Variants in DHRSX observed in about 807,000 individuals in gnomAD.
DHRSX encodes the protein dehydrogenase/reductase X-linked, also known as polyprenol dehydrogenase.
DHRSX carries 31 observed loss-of-function variants against 34.0 expected under a neutral mutation model. The observed-to-expected ratio is 0.91, with a 90% CI of 0.69 to 1.23. The LOEUF (loss-of-function observed/expected upper bound fraction) is 1.23, where lower values mean the gene tolerates loss of function less well. Among genes scored for constraint, DHRSX ranks in the 50% most tolerant of loss-of-function variants. The pLI is 0.00. For missense variants in DHRSX, 414 were observed against 428.1 expected (o/e 0.97, Z 0.29); for synonymous variants, 201 against 183.8 (o/e 1.09, Z -0.76).
chrX:2,450,076 T>G (rs752531332), intron 1 of DHRSX, among the ~76,000 whole-genome samples: 7 of 152,006 alleles, frequency 4.6e-5, no homozygotes, highest in Admixed American at 3.3e-4. Context: ...CAGTGTTAGA[T>G]CTGAATTGTT....
At chrX:2,238,879 C>A (rs1198851263) in intron 6 of DHRSX, among the ~76,000 whole-genome samples, 2 of 152,006 alleles carry the variant, frequency 1.3e-5, no homozygotes, top group African/African-American at 2.4e-5. Context: ...GACACGGCAC[C>A]CAGCTGATCT....
intron 1 of DHRSX, among the ~76,000 whole-genome samples, chrX:2,458,374 A>T (rs964065373): frequency 3.3e-5 from 5 of 152,154 alleles, no homozygotes; most frequent in African/African-American, 1.2e-4. Flanking sequence ...TCAATGGCAT[A>T]CCTGCACCCC....
chrX:2,424,783 T>C (rs1222216971), intron 2 of DHRSX, among the ~76,000 whole-genome samples: 1 of 152,194 alleles, frequency 6.6e-6, no homozygotes, highest in African/African-American at 2.4e-5. Flanking sequence ...ATTTTCTATA[T>C]GCACATCAAC....
At chrX:2,274,579 G>C (rs2041599143) in intron 4 of DHRSX, among the ~76,000 whole-genome samples, 1 of 148,156 alleles carries the variant, frequency 6.7e-6, no homozygotes, top group African/African-American at 2.5e-5. Flanking sequence ...ACAACACCCG[G>C]CTAAACTTTT....
intron 2 of DHRSX, among the ~76,000 whole-genome samples, chrX:2,413,788 C>T (rs1444138527): frequency 2.0e-5 from 3 of 152,084 alleles, no homozygotes; most frequent in Non-Finnish European, 2.9e-5. Context: ...AACTAAATCT[C>T]ATTAGGACTA....
rs146456315 is a variant in DHRSX, at chrX:2,422,791, G to A, written c.217+2406C>T. ...AGACCCAGTATCTCCAAAACATTTT[G>A]TTTATTTTTTTGAGACTGAGTCTCG... On this transcript the variant is annotated intron_variant, in intron 2 of 6. Transcript: ENST00000334651. Among the ~76,000 whole-genome samples the A allele has an allele frequency of 8.4e-4, 126 of 150,492 alleles. 1 individual carries two copies. In the East Asian group the frequency reaches 0.021, roughly 26 times the overall value.
intron 3 of DHRSX, among the ~76,000 whole-genome samples, chrX:2,341,651 CTTT>C (rs112680079): frequency 1.5e-4 from 18 of 121,024 alleles, no homozygotes; most frequent in African/African-American, 1.8e-4. Context: ...GTGAACTTGT[CTTT>C]TTTTTTTTTT....
intron 1 of DHRSX, among the ~76,000 whole-genome samples, chrX:2,485,180 G>C (rs775141957): frequency 2.0e-5 from 3 of 152,134 alleles, no homozygotes; most frequent in Non-Finnish European, 4.4e-5. Flanking sequence ...GATGAGAACC[G>C]TCGGGGTTAG....
intron 1 of DHRSX, among the ~76,000 whole-genome samples, chrX:2,432,060 GTGT>G (rs2043931728): frequency 6.6e-6 from 1 of 152,116 alleles, no homozygotes. Flanking sequence ...GCGTGGTGGT[GTGT>G]GCCACCTGTA....
At chrX:2,367,212 G>A (rs2043004150) in intron 3 of DHRSX, among the ~76,000 whole-genome samples, 1 of 152,020 alleles carries the variant, frequency 6.6e-6, no homozygotes, top group African/African-American at 2.4e-5. Flanking sequence ...GGCTGAGGTG[G>A]GCGGATCACA....
intron 3 of DHRSX, among the ~76,000 whole-genome samples, chrX:2,346,023 C>T (rs945586678): frequency 2.1e-4 from 32 of 152,164 alleles, no homozygotes; most frequent in Admixed American, 2.6e-4. Flanking sequence ...ACCCACCTCC[C>T]GTGGTATCCT....
At chrX:2,320,334 A>C in intron 3 of DHRSX, among the ~76,000 whole-genome samples, 1 of 133,802 alleles carries the variant, frequency 7.5e-6, no homozygotes. Context: ...TTGCTCTGTC[A>C]CCCAGGCTGG....
intron 1 of DHRSX, among the ~76,000 whole-genome samples, chrX:2,462,511 G>A (rs2044417174): frequency 6.8e-6 from 1 of 146,220 alleles, no homozygotes; most frequent in Admixed American, 6.8e-5. Flanking sequence ...CTGCAGCCTG[G>A]GCAACAAGAG....
chrX:2,319,689 G>A (rs961981187), intron 3 of DHRSX, among the ~76,000 whole-genome samples: 5 of 150,876 alleles, frequency 3.3e-5, no homozygotes, highest in African/African-American at 9.8e-5. Flanking sequence ...TGTACTAATC[G>A]ACTCTATGTT....
chrX:2,400,019 G>C (rs1004191482), intron 3 of DHRSX, among the ~76,000 whole-genome samples: 10 of 152,186 alleles, frequency 6.6e-5, no homozygotes, highest in Non-Finnish European at 1.2e-4. Flanking sequence ...CTGGGTGACA[G>C]AGCAAGACCT....
chrX:2,388,652 C>G (rs1015005957), intron 3 of DHRSX, among the ~76,000 whole-genome samples: 2 of 151,184 alleles, frequency 1.3e-5, no homozygotes, highest in Non-Finnish European at 2.9e-5. Flanking sequence ...ACTAAGATAT[C>G]TCATAAGAAG....
intron 1 of DHRSX, among the ~76,000 whole-genome samples, chrX:2,499,276 G>A (rs2045353679): frequency 1.3e-5 from 2 of 152,162 alleles, no homozygotes; most frequent in South Asian, 2.1e-4. Context: ...TACAGAGGCA[G>A]AAATAACAGC....
At chrX:2,339,143 T>A (rs899330848) in intron 3 of DHRSX, among the ~76,000 whole-genome samples, 2 of 152,078 alleles carry the variant, frequency 1.3e-5, no homozygotes, top group African/African-American at 4.8e-5. Context: ...AAGTTCTTTT[T>A]ATTTTTTTCT....
rs1260551074 is a variant in DHRSX at position 2,249,335 on chromosome X, G to A, written c.597-6105C>T. The stretch of plus-strand genomic sequence containing the variant: ...AACCTCCTGAGTAGCTGGGACTACA[G>A]GCACCTGCCACCATGCCCGGCTTTT... On this transcript the variant is annotated intron_variant, in intron 5 of 6. Transcript: ENST00000334651. Among the ~76,000 whole-genome samples, 6 of 150,304 alleles carry A rather than the reference G, an allele frequency of 4.0e-5. No individual in the cohort carries two copies. The South Asian group carries it at 1.1e-3, about 26-fold the overall frequency.
Sources: gnomAD v4.1 joint callset for allele counts (sites outside exome capture counted in the v4.1 genomes callset) on GRCh38, gnomAD v4.1.1 for gene constraint, MANE v1.5 for transcripts, NCBI Gene and HGNC (gene_info 2026-07-23, HGNC 2026-07-21) for gene names.